The following MCU variants were observed in gnomAD, a reference collection of about 807,000 sequenced individuals.
MCU encodes mitochondrial calcium uniporter.
In MCU, 12 loss-of-function variants were observed where a neutral mutation model predicts 45.2. That is an observed-to-expected ratio of 0.27 (90% confidence interval 0.17 to 0.43). The LOEUF is 0.43. Ranked by LOEUF, MCU falls within the 20% of genes least tolerant of loss-of-function variation. The pLI is 1.00. For synonymous variants in MCU, 160 were observed against 165.1 expected, an observed-to-expected ratio of 0.97 and a Z score of 0.24; for missense variants, 324 against 436.7, an observed-to-expected ratio of 0.74 and a Z score of 2.30.
intron 1 of MCU, among the ~76,000 whole-genome samples, chr10:72,821,493 C>T (rs1051167445): frequency 5.9e-5 from 9 of 152,108 alleles, no homozygotes; most frequent in Admixed American, 2.0e-4. Context: ...TCTTTCCAGT[C>T]TCAATAAGAT....
intron 1 of MCU, among the ~76,000 whole-genome samples, chr10:72,704,805 C>T (rs1212244876): frequency 6.6e-6 from 1 of 150,610 alleles, no homozygotes; most frequent in African/African-American, 2.4e-5. Context: ...ACCTCCACCT[C>T]CTGGGTTCTG....
intron 4 of MCU, among the ~76,000 whole-genome samples, chr10:72,862,576 G>T (rs537575125): frequency 2.0e-5 from 3 of 152,236 alleles, no homozygotes; most frequent in South Asian, 2.1e-4. Context: ...TTACAATAGG[G>T]TTTGTGCCCT....
At chr10:72,702,301 C>T (rs181079992) in intron 1 of MCU, among the ~76,000 whole-genome samples, 100 of 152,076 alleles carry the variant, frequency 6.6e-4, no homozygotes, top group Admixed American at 2.9e-3. Flanking sequence ...TAAGTCCCAT[C>T]CAGTAAACCT....
chr10:72,846,503 C>T (rs12785228), intron 2 of MCU, among the ~76,000 whole-genome samples: 79,451 of 151,912 alleles, frequency 0.52, 22,704 homozygotes, highest in Non-Finnish European at 0.67. Context: ...TTTCAGTTAC[C>T]GGATTGACTG....
intron 2 of MCU, among the ~76,000 whole-genome samples, chr10:72,852,064 C>T (rs766380133): frequency 6.6e-6 from 1 of 152,152 alleles, no homozygotes; most frequent in Admixed American, 6.5e-5. Context: ...TCAACTCTCT[C>T]TACTTCTTGA....
At chr10:72,805,175 C>CCTTCCTTCCTTCCTTCCTTCCTTCCT (rs1564562364) in intron 1 of MCU, among the ~76,000 whole-genome samples, 3 of 126,576 alleles carry the variant, frequency 2.4e-5, no homozygotes, top group African/African-American at 1.2e-4. Flanking sequence ...CTCTCTCTCT[C>CCTTCCTTCCTTCCTTCCTTCCTTCCT]TCTTTCCTTC....
chr10:72,731,881 A>G (rs1260004301), intron 1 of MCU, among the ~76,000 whole-genome samples: 1 of 152,210 alleles, frequency 6.6e-6, no homozygotes, highest in Non-Finnish European at 1.5e-5. Flanking sequence ...TTTTGCTATT[A>G]ATAATGCTGT....
chr10:72,821,038 C>G (rs998800551), intron 1 of MCU, among the ~76,000 whole-genome samples: 3 of 151,998 alleles, frequency 2.0e-5, no homozygotes, highest in African/African-American at 7.3e-5. Flanking sequence ...AGATTCAGTG[C>G]CCATTCTGCT....
rs185611722 is a variant in MCU at position 72,885,912 on chromosome 10, G to A, written c.*90G>A. On this transcript the variant is annotated 3_prime_UTR_variant, in exon 8 of 8. Coordinates refer to ENST00000373053, the MANE Select transcript of MCU (RefSeq NM_138357.3). ...CAGGTGGAAGCTGGGAGCCATGTGG[G>A]GGGTAGAGCGTTTTTACCTTTAATT... is the stretch of plus-strand genomic sequence containing the variant. 3.5e-3 allele frequency: 3,483 copies of A among 983,566 alleles called. 13 individuals carry two copies. Among genetic ancestry groups the A allele is most frequent in the Non-Finnish European group, 5.1e-3 (3,219 of 629,990 alleles). 60.9% of individuals were successfully genotyped at this position (983,566 alleles called of 1,614,324 possible).
At chr10:72,815,492 T>A (rs891669584) in intron 1 of MCU, among the ~76,000 whole-genome samples, 9 of 152,152 alleles carry the variant, frequency 5.9e-5, no homozygotes, top group Non-Finnish European at 1.0e-4. Flanking sequence ...GATAAAGAAT[T>A]TGGTGGACAT....
At chr10:72,817,903 C>T (rs1196620279) in intron 1 of MCU, among the ~76,000 whole-genome samples, 2 of 152,180 alleles carry the variant, frequency 1.3e-5, no homozygotes, top group Non-Finnish European at 2.9e-5. Flanking sequence ...TATTGAGTGG[C>T]TTTGCATGTA....
chr10:72,698,834 T>TA (rs1302130060), intron 1 of MCU, among the ~76,000 whole-genome samples: 1 of 152,060 alleles, frequency 6.6e-6, no homozygotes, highest in Non-Finnish European at 1.5e-5. Context: ...GACGAGGTCT[T>TA]ACTCTGTTGC....
At chr10:72,846,682 T>A (rs888729001) in intron 2 of MCU, among the ~76,000 whole-genome samples, 36 of 152,112 alleles carry the variant, frequency 2.4e-4, no homozygotes, top group East Asian at 1.9e-4. Flanking sequence ...CTTAAAAAAA[T>A]TTTTTTTCTT....
chr10:72,805,178 TTTCCTTCCTTCC>T lies in MCU; in HGVS notation c.151-29166_151-29155del, dbSNP rs375373722. ...TTCTTTCTGTCTCTCTCTCTCTCTCTTTCCTTCCTTCCTTCCTTCCTTCCTTTCTTCCTTTCC... is the reference window on the plus strand; with the variant it reads ...TTCTTTCTGTCTCTCTCTCTCTCTCTTTCCTTCCTTCCTTTCTTCCTTTCC... On this transcript the variant is annotated intron_variant, in intron 1 of 7. Coordinates refer to ENST00000373053, the MANE Select transcript of MCU (RefSeq NM_138357.3). 7.8e-5 allele frequency among the ~76,000 whole-genome samples: 11 copies of T among 140,440 alleles called. 1 individual carries two copies. In the South Asian group the frequency reaches 2.4e-3, roughly 30 times the overall value. 92.1% of individuals were successfully genotyped at this position (140,440 alleles called of 152,430 possible). A position where few individuals can be genotyped will look rare whatever the true frequency, so the allele number is the denominator to read the frequency against.
At chr10:72,866,760 G>A (rs997346859) in intron 4 of MCU, among the ~76,000 whole-genome samples, 5 of 151,870 alleles carry the variant, frequency 3.3e-5, no homozygotes, top group Non-Finnish European at 7.4e-5. Flanking sequence ...TCATGAAAGG[G>A]GACTGAGCTT....
At chr10:72,822,782 A>C (rs1844733660) in intron 1 of MCU, among the ~76,000 whole-genome samples, 1 of 152,140 alleles carries the variant, frequency 6.6e-6, no homozygotes, top group African/African-American at 2.4e-5. Flanking sequence ...TCAAAGCTGC[A>C]GTGAGTCTTG....
intron 1 of MCU, among the ~76,000 whole-genome samples, chr10:72,779,664 G>C (rs533421918): frequency 2.2e-4 from 33 of 152,302 alleles, no homozygotes; most frequent in African/African-American, 7.5e-4. Flanking sequence ...TAAATGGCCA[G>C]TTAGCACATG....
intron 2 of MCU, among the ~76,000 whole-genome samples, chr10:72,848,088 A>T (rs1252400895): frequency 6.6e-6 from 1 of 152,222 alleles, no homozygotes; most frequent in Non-Finnish European, 1.5e-5. Context: ...GACACTACAC[A>T]GGGCATGAAT....
At chr10:72,729,563 G>C (rs1454581100) in intron 1 of MCU, among the ~76,000 whole-genome samples, 1 of 152,200 alleles carries the variant, frequency 6.6e-6, no homozygotes, top group African/African-American at 2.4e-5. Context: ...TGGAATGTTA[G>C]AACAGTAACC....
Sources: allele counts gnomAD v4.1 joint callset (sites outside exome capture counted in the v4.1 genomes callset), GRCh38; gene constraint gnomAD v4.1.1; transcripts MANE v1.5; gene names NCBI Gene and HGNC (gene_info 2026-07-23, HGNC 2026-07-21).